Variants in GALK2 observed in about 807,000 individuals in gnomAD.
GALK2 encodes N-acetylgalactosamine kinase.
A neutral mutation model predicts 52.4 loss-of-function variants in GALK2; 36 were observed. The ratio of observed to expected loss-of-function variants is 0.69; its 90% CI spans 0.53 to 0.91. The LOEUF (loss-of-function observed/expected upper bound fraction) is 0.91, where lower values mean the gene tolerates loss of function less well. Ranked by LOEUF, GALK2 falls within the 40% of genes least tolerant of loss-of-function variation. GALK2 has a pLI of 0.00. For missense variants in GALK2, 579 were observed against 559.1 expected, an observed-to-expected ratio of 1.04 and a Z score of -0.36; for synonymous variants, 176 against 199.1, an observed-to-expected ratio of 0.88 and a Z score of 0.98.
At chr15:49,345,337 C>G (rs1359256368) in intron 3 of GALK2, among the ~76,000 whole-genome samples, 1 of 152,086 alleles carries the variant, frequency 6.6e-6, no homozygotes, top group Non-Finnish European at 1.5e-5. Context: ...CATGGTTGTA[C>G]ATTTGTGCTG....
At chr15:49,354,718 C>A (rs889604742) in intron 3 of GALK2, among the ~76,000 whole-genome samples, 2 of 152,276 alleles carry the variant, frequency 1.3e-5, no homozygotes, top group Non-Finnish European at 2.9e-5. Context: ...TCGGGAAGCT[C>A]GAACTGGGTG....
intron 3 of GALK2, among the ~76,000 whole-genome samples, chr15:49,345,785 T>G (rs1342430993): frequency 6.6e-6 from 1 of 152,202 alleles, no homozygotes; most frequent in African/African-American, 2.4e-5. Flanking sequence ...TCATCTCCCT[T>G]TATAATCACA....
intron 5 of GALK2, among the ~76,000 whole-genome samples, chr15:49,251,619 CTTGT>C (rs770436968): frequency 1.3e-5 from 2 of 152,142 alleles, no homozygotes; most frequent in Non-Finnish European, 2.9e-5. Context: ...GCTTGTCCAG[CTTGT>C]TTGACTGAAG....
rs904748619 is a variant in GALK2, at chr15:49,314,452, T to C, written c.968-5152T>C. 5.9e-5 allele frequency among the ~76,000 whole-genome samples: 9 copies of C among 152,344 alleles called. No individual in the cohort carries two copies. The South Asian group carries it at 1.9e-3, about 32-fold the overall frequency. On this transcript the variant is annotated intron_variant, in intron 8 of 9. Transcript: ENST00000560031. The stretch of plus-strand genomic sequence containing the variant: ...AACTTTCCCCACTTTTTGGTGAGGA[T>C]GCTAGTGAGTATAAATTGTTAAAAT...
At chr15:49,227,774 TC>T (rs2090217089) in intron 3 of GALK2, among the ~76,000 whole-genome samples, 1 of 152,094 alleles carries the variant, frequency 6.6e-6, no homozygotes, top group South Asian at 2.1e-4. Flanking sequence ...AACATTTGAG[TC>T]CTTTCTCTTT....
At chr15:49,259,497 G>T (rs186641137) in intron 5 of GALK2, among the ~76,000 whole-genome samples, 2,593 of 150,692 alleles carry the variant, frequency 0.017, 93 homozygotes, top group African/African-American at 0.061. Context: ...ATTTCATCCA[G>T]GTCCCTACAA....
upstream of GALK2, chr15:49,170,125 C>T (rs2084964014): frequency 7.6e-7 from 1 of 1,316,638 alleles, no homozygotes; most frequent in African/African-American, 1.5e-5. Flanking sequence ...GGAGGGAACC[C>T]TGGCTGAGTC....
intron 3 of GALK2, among the ~76,000 whole-genome samples, chr15:49,231,529 T>G (rs2090501972): frequency 6.6e-6 from 1 of 152,216 alleles, no homozygotes. Context: ...CCTCAGAGTC[T>G]TAACTCATTC....
intron 3 of GALK2, among the ~76,000 whole-genome samples, chr15:49,362,658 G>A (rs1181550281): frequency 1.3e-5 from 2 of 152,050 alleles, no homozygotes; most frequent in Admixed American, 1.3e-4. Context: ...TGTTTTTCTT[G>A]CAATTGCTTT....
chr15:49,345,083 A>G (rs886383684), intron 3 of GALK2, among the ~76,000 whole-genome samples: 3 of 152,190 alleles, frequency 2.0e-5, no homozygotes, highest in East Asian at 3.8e-4. Flanking sequence ...TTATTCTTCT[A>G]CAAAGTTATT....
At chr15:49,304,147 T>A (rs2035350094) in intron 8 of GALK2, among the ~76,000 whole-genome samples, 1 of 152,228 alleles carries the variant, frequency 6.6e-6, no homozygotes, top group Non-Finnish European at 1.5e-5. Context: ...GGCCAACATC[T>A]TGCCATCCTA....
At chr15:49,347,437 A>G (rs986967476) in intron 3 of GALK2, among the ~76,000 whole-genome samples, 1 of 152,212 alleles carries the variant, frequency 6.6e-6, no homozygotes, top group Non-Finnish European at 1.5e-5. Flanking sequence ...CATTCTATGT[A>G]TAGGACAGAT....
intron 8 of GALK2, among the ~76,000 whole-genome samples, chr15:49,315,296 A>G (rs1049139896): frequency 1.6e-4 from 24 of 152,240 alleles, no homozygotes; most frequent in African/African-American, 5.1e-4. Context: ...GTAATCATGC[A>G]TGCAATGAAC....
At chr15:49,228,688 T>TATATATATACATATA in intron 3 of GALK2, among the ~76,000 whole-genome samples, 2 of 10,444 alleles carry the variant, frequency 1.9e-4, no homozygotes, top group African/African-American at 3.4e-4. Flanking sequence ...TATATATATA[T>TATATATATACATATA]TTTTTTTTTT....
At chr15:49,266,788 T>C (rs2092377285) in intron 5 of GALK2, among the ~76,000 whole-genome samples, 1 of 152,186 alleles carries the variant, frequency 6.6e-6, no homozygotes, top group East Asian at 1.9e-4. Context: ...CTGGCAATTA[T>C]GAGTTATATT....
chr15:49,243,584 A>G (rs184566466), intron 5 of GALK2, among the ~76,000 whole-genome samples: 36 of 152,288 alleles, frequency 2.4e-4, no homozygotes, highest in African/African-American at 8.4e-4. Flanking sequence ...GCATCAAAGT[A>G]TAGTAAGATT....
intron 3 of GALK2, among the ~76,000 whole-genome samples, chr15:49,363,760 T>C (rs1271635649): frequency 6.6e-6 from 1 of 152,202 alleles, no homozygotes; most frequent in Non-Finnish European, 1.5e-5. Context: ...TTGTCATAGA[T>C]GGCTCTTATT....
At chr15:49,236,014 C>A in intron 4 of GALK2, 73 bp downstream of exon 4, 2 of 927,132 alleles carry the variant, frequency 2.2e-6, no homozygotes, top group Non-Finnish European at 3.5e-6. Flanking sequence ...ATTTTATTTA[C>A]TACATCTTTT....
intron 1 of GALK2, chr15:49,185,819 C>G (rs2086300424): frequency 6.6e-6 from 1 of 152,136 alleles, no homozygotes; most frequent in Non-Finnish European, 1.5e-5. Flanking sequence ...CAGTTTTTGT[C>G]TGTCTCAGAA....
Sources: allele counts gnomAD v4.1 joint callset (sites outside exome capture counted in the v4.1 genomes callset), GRCh38; gene constraint gnomAD v4.1.1; transcripts MANE v1.5; gene names NCBI Gene and HGNC (gene_info 2026-07-23, HGNC 2026-07-21).